The following PTPRB variants were observed in gnomAD, a reference collection of about 807,000 sequenced individuals.
PTPRB encodes protein tyrosine phosphatase receptor type B.
PTPRB carries 97 observed loss-of-function variants against 238.1 expected under a neutral mutation model. That is an observed-to-expected ratio of 0.41 (90% confidence interval 0.35 to 0.48). PTPRB has a LOEUF of 0.48. Ranked by LOEUF, PTPRB falls within the 20% of genes least tolerant of loss-of-function variation. The pLI is 0.30. For missense variants in PTPRB, 2,292 were observed against 2,681.9 expected, an observed-to-expected ratio of 0.85 and a Z score of 3.21; for synonymous variants, 970 against 995.4, an observed-to-expected ratio of 0.97 and a Z score of 0.48.
At chr12:70,527,960 G>C (rs561529486) in intron 32 of PTPRB, among the ~76,000 whole-genome samples, 1 of 152,106 alleles carries the variant, frequency 6.6e-6, no homozygotes, top group Non-Finnish European at 1.5e-5. Flanking sequence ...GATGATACTA[G>C]GTTGATGCAA....
rs143982426 is a variant in PTPRB at position 70,519,948 on chromosome 12, A to G, written c.*1541T>C. On this transcript the variant is annotated 3_prime_UTR_variant, in exon 34 of 34. Coordinates refer to ENST00000334414, the MANE Select transcript of PTPRB (RefSeq NM_001109754.4). ...TAAAGAACTATTTTAGGTATAGTCAATGATTTTCAATTATTATGTCAATTA... is the reference window on the plus strand; with the variant it reads ...TAAAGAACTATTTTAGGTATAGTCAGTGATTTTCAATTATTATGTCAATTA... The G allele has an allele frequency of 3.0e-3, 575 of 192,900 alleles. 2 individuals are homozygous for G. The highest frequency in any genetic ancestry group is 0.013 in the African/African-American group (553 of 42,162). The allele number at this position is 192,900 out of a possible 1,614,324, so 11.9% of individuals were successfully genotyped here.
At position 70,592,489 on chromosome 12, in the gene PTPRB, T is replaced by G; in HGVS notation, c.1573A>C (p.Lys525Gln). ...CCAGGAGGTCTTTGCCATTTGACTT[T>G]TAGAGAGGTCAAACTGCCATCATTT... ...VTNDGSLTSLKVKWQRPPGNV... is the reference protein window; with the variant it reads ...VTNDGSLTSLQVKWQRPPGNV... The change falls in exon 7 of 34, where the codon AAA (lysine) becomes CAA (glutamine). Residue 525 changes from lysine (K) to glutamine (Q), a missense_variant. Lys to Gln is a moderately conservative substitution (Grantham distance 53). Transcript: ENST00000334414. 6.2e-7 allele frequency: 1 copy of G among 1,613,772 alleles called. No homozygotes were observed. Among genetic ancestry groups the G allele is most frequent in the Non-Finnish European group, 8.5e-7 (1 of 1,179,744 alleles).
In PTPRB at chr12:70,622,164, T is replaced by C. The variant is rs554610060; in HGVS notation, c.708+226A>G. Among the ~76,000 whole-genome samples the C allele has an allele frequency of 3.9e-4, 60 of 152,332 alleles. No individual in the cohort carries two copies. In the South Asian group the frequency reaches 0.012, roughly 31 times the overall value. Reference sequence around the variant, plus strand: ...ATATGGCCAACATACAGTTATTCCATGGCAGCCTAATTATCGGCATCTCAT... The same window carrying C: ...ATATGGCCAACATACAGTTATTCCACGGCAGCCTAATTATCGGCATCTCAT... On this transcript the variant is annotated intron_variant, in intron 3 of 33. Transcript: ENST00000334414.
At chr12:70,606,865 A>G (rs181680828) in intron 4 of PTPRB, among the ~76,000 whole-genome samples, 24 of 152,352 alleles carry the variant, frequency 1.6e-4, no homozygotes, top group African/African-American at 5.3e-4. Flanking sequence ...TTAAATCTAA[A>G]CAACCATCAT....
At chr12:70,528,028 T>G (rs1312223290) in intron 32 of PTPRB, among the ~76,000 whole-genome samples, 1 of 152,202 alleles carries the variant, frequency 6.6e-6, no homozygotes, top group African/African-American at 2.4e-5. Flanking sequence ...TAAAATGCAA[T>G]TAATGCCATT....
intron 33 of PTPRB, 125 bp downstream of exon 33, chr12:70,524,346 C>T: frequency 1.9e-6 from 2 of 1,076,174 alleles, no homozygotes; most frequent in Middle Eastern, 4.5e-4. Flanking sequence ...AACTCTTAGG[C>T]TCAAGTGATC....
In PTPRB at chr12:70,594,675, G is replaced by C; in HGVS notation, c.1308C>G (p.Leu436=). The C allele has an allele frequency of 2.5e-6, 4 of 1,614,024 alleles. No homozygotes were observed. The highest frequency in any genetic ancestry group is 3.4e-6 in the Non-Finnish European group (4 of 1,179,872). The change falls in exon 6 of 34, where the codon CTC becomes CTG. Residue 436 remains leucine, a synonymous_variant. Transcript: ENST00000334414. ...DIGISTKANS[L]LISWSHGSGN... ...CAGAACCATGGGACCAGGAAATCAG[G>C]AGAGAATTGGCTTTTGTGGAAATAC...
intron 32 of PTPRB, among the ~76,000 whole-genome samples, chr12:70,527,982 GT>G (rs1462845563): frequency 6.6e-6 from 1 of 152,126 alleles, no homozygotes; most frequent in African/African-American, 2.4e-5. Flanking sequence ...AGTAATCACG[GT>G]TTTTGCCATT....
intron 16 of PTPRB, among the ~76,000 whole-genome samples, chr12:70,561,280 A>C (rs1361807487): frequency 1.3e-5 from 2 of 152,120 alleles, no homozygotes; most frequent in Non-Finnish European, 2.9e-5. Flanking sequence ...AGTGTGGCCT[A>C]TCTCATTGCA....
In PTPRB at chr12:70,581,237, A is replaced by G. The variant is rs1881358119; in HGVS notation, c.2377T>C (p.Trp793Arg). The change falls in exon 10 of 34, where the codon TGG becomes CGG. Residue 793 changes from tryptophan (W) to arginine (R), a missense_variant. Coordinates refer to ENST00000334414, the MANE Select transcript of PTPRB (RefSeq NM_001109754.4). ...QGMTSSLFTN[W>R]TQAQGDVEFY... ...TCTACGTCTCCTTGTGCCTGGGTCC[A>G]GTTAGTAAACAGACTACTGGTCATT... 6.2e-7 allele frequency: 1 copy of G among 1,614,036 alleles called. No individual in the cohort carries two copies. Among genetic ancestry groups the G allele is most frequent in the Non-Finnish European group, 8.5e-7 (1 of 1,179,888 alleles).
Position 70,518,590 on chromosome 12 carries a change from A to T in PTPRB, c.*2899T>A, listed in dbSNP as rs1158148720. On this transcript the variant is annotated 3_prime_UTR_variant, in exon 34 of 34. Transcript: ENST00000334414. Reference sequence around the variant, plus strand: ...AGTAGGAGGAGTGGGGCAAGTAATAAAACAGAGGGACTCAGAGGTTTAAGG... The same window carrying T: ...AGTAGGAGGAGTGGGGCAAGTAATATAACAGAGGGACTCAGAGGTTTAAGG... The T allele has an allele frequency of 1.3e-5, 2 of 152,158 alleles. No individual in the cohort carries two copies. Among genetic ancestry groups the T allele is most frequent in the African/African-American group, 4.8e-5 (2 of 41,434 alleles). 9.4% of individuals were successfully genotyped at this position (152,158 alleles called of 1,614,324 possible).
rs958887212 is a variant in PTPRB at position 70,592,241 on chromosome 12, G to A, written c.1780+41C>T. 3 of 1,613,246 alleles carry A rather than the reference G, an allele frequency of 1.9e-6. No individual in the cohort carries two copies. In the South Asian group the frequency reaches 3.3e-5, roughly 18 times the overall value. On this transcript the variant is annotated intron_variant, in intron 7 of 33. Transcript: ENST00000334414. The stretch of plus-strand genomic sequence containing the variant: ...CCTATTTTAAGGTGGATCAGAGAGT[G>A]ATTTGAGCAACCAAGGAACATTCTG...
At chr12:70,634,803 G>A (rs992584883) in intron 2 of PTPRB, among the ~76,000 whole-genome samples, 3 of 152,150 alleles carry the variant, frequency 2.0e-5, no homozygotes, top group African/African-American at 4.8e-5. Context: ...TTAGTGAGGC[G>A]CTTCGTTTCT....
chr12:70,562,292 AC>A (rs1229720372), intron 16 of PTPRB, among the ~76,000 whole-genome samples: 23 of 151,926 alleles, frequency 1.5e-4, no homozygotes, highest in South Asian at 8.3e-4. Flanking sequence ...CCCCCCCAAA[AC>A]ATTTTTTTTT....
In PTPRB at chr12:70,633,332, T is replaced by C. The variant is rs140857830; in HGVS notation, c.451+2339A>G. On this transcript the variant is annotated intron_variant, in intron 2 of 33. Transcript: ENST00000334414. The stretch of plus-strand genomic sequence containing the variant: ...ATTCATGCCTGTAATCCCAGTACTT[T>C]GGGAGGCTGAGGTGGGAGGATCACT... 1.2e-4 allele frequency among the ~76,000 whole-genome samples: 19 copies of C among 152,248 alleles called. No homozygotes were observed. In the East Asian group the frequency reaches 3.5e-3, roughly 28 times the overall value.
chr12:70,614,182 C>T (rs1884581817), intron 3 of PTPRB, among the ~76,000 whole-genome samples: 1 of 152,154 alleles, frequency 6.6e-6, no homozygotes, highest in Non-Finnish European at 1.5e-5. Flanking sequence ...GGGGATAGAG[C>T]TCAATAATGG....
In PTPRB at chr12:70,622,852, A is replaced by G. The variant is rs1885006502; in HGVS notation, c.452-206T>C. ...TCACCCATCCTTTATCTATCTATCA[A>G]TTTTATAACCTGGAAGGAAAGTTGT... On this transcript the variant is annotated intron_variant, in intron 2 of 33. Transcript: ENST00000334414. Among the ~76,000 whole-genome samples, 4 of 151,840 alleles carry G rather than the reference A, an allele frequency of 2.6e-5. No individual in the cohort carries two copies. In the South Asian group the frequency reaches 8.3e-4, roughly 32 times the overall value.
chr12:70,561,467 C>T (rs1405313018), intron 16 of PTPRB, among the ~76,000 whole-genome samples: 2 of 152,184 alleles, frequency 1.3e-5, no homozygotes, highest in Non-Finnish European at 2.9e-5. Context: ...TGCCACCTAT[C>T]CCAATAGCTT....
At chr12:70,539,419 G>T (rs1874693837) in intron 26 of PTPRB, 1 of 583,460 alleles carries the variant, frequency 1.7e-6, no homozygotes, top group Admixed American at 3.1e-5. Context: ...GGTTTGCTGT[G>T]TTATTCTGGA....
Sources: allele counts gnomAD v4.1 joint callset (sites outside exome capture counted in the v4.1 genomes callset), GRCh38; gene constraint gnomAD v4.1.1; transcripts MANE v1.5; gene names NCBI Gene and HGNC (gene_info 2026-07-23, HGNC 2026-07-21).